Variants in CTXND1 observed in about 807,000 individuals in gnomAD.
The protein encoded by CTXND1 is cortexin domain containing 1.
rs183691203 is a variant in CTXND1 at position 80,246,913 on chromosome 15, C to T, written c.-218+5094G>A. 3.7e-4 allele frequency among the ~76,000 whole-genome samples: 56 copies of T among 152,284 alleles called. No individual in the cohort carries two copies. In the East Asian group the frequency reaches 9.4e-3, roughly 26 times the overall value. On this transcript the variant is annotated intron_variant, in intron 1 of 2. Coordinates refer to ENST00000560778, the MANE Select transcript of CTXND1 (RefSeq NM_001352888.2). ...TTAGGGACACTGAAAGGTTTGTCCT[C>T]GCAGTCGGATTCAGATGTCACATAC...
chr15:80,233,505 G>T (rs147451524), intron 1 of CTXND1, among the ~76,000 whole-genome samples: 3 of 152,120 alleles, frequency 2.0e-5, no homozygotes, highest in African/African-American at 7.2e-5. Context: ...GCTGCAAACT[G>T]CCTGGCTCTT....
At chr15:80,224,027 T>A (rs1269766527) in intron 1 of CTXND1, among the ~76,000 whole-genome samples, 1 of 152,158 alleles carries the variant, frequency 6.6e-6, no homozygotes, top group Non-Finnish European at 1.5e-5. Context: ...TCATTTTTGC[T>A]GTTTTCTCTT....
At chr15:80,222,202 G>A (rs1036478596) in intron 1 of CTXND1, among the ~76,000 whole-genome samples, 2 of 151,950 alleles carry the variant, frequency 1.3e-5, no homozygotes, top group Non-Finnish European at 2.9e-5. Flanking sequence ...GGGAAAATTT[G>A]AATTTAAAAT....
rs371194656 is a variant in CTXND1 at position 80,242,491 on chromosome 15, T to C, written c.-218+9516A>G. On this transcript the variant is annotated intron_variant, in intron 1 of 2. Coordinates refer to ENST00000560778, the MANE Select transcript of CTXND1 (RefSeq NM_001352888.2). ...ATTGGGGTATCACAGGGGACTGTGT[T>C]TGAAACAAGTTCCACCTCCCCTGGA... 1.7e-3 allele frequency among the ~76,000 whole-genome samples: 261 copies of C among 152,328 alleles called. 14 individuals carry two copies. In the South Asian group the frequency reaches 0.052, roughly 30 times the overall value.
chr15:80,208,025 C>G (rs34939304), intron 1 of CTXND1, among the ~76,000 whole-genome samples: 10,484 of 152,256 alleles, frequency 0.069, 442 homozygotes, highest in Non-Finnish European at 0.095. Flanking sequence ...AGAACATTGG[C>G]CATTCATTAA....
intron 1 of CTXND1, among the ~76,000 whole-genome samples, chr15:80,246,370 A>T (rs988189033): frequency 1.6e-4 from 25 of 152,344 alleles, no homozygotes; most frequent in African/African-American, 5.8e-4. Context: ...GTTAAAAGGC[A>T]CCTGGCCTCA....
intron 1 of CTXND1, among the ~76,000 whole-genome samples, chr15:80,225,835 C>T (rs1417569508): frequency 6.6e-6 from 1 of 152,112 alleles, no homozygotes; most frequent in Non-Finnish European, 1.5e-5. Flanking sequence ...TCTAATTGCT[C>T]AGTTTGTTGA....
intron 1 of CTXND1, among the ~76,000 whole-genome samples, chr15:80,223,746 G>T (rs929317396): frequency 1.8e-4 from 28 of 151,436 alleles, no homozygotes; most frequent in African/African-American, 6.3e-4. Flanking sequence ...CATTCTGGGG[G>T]TAGATTGTGG....
Position 80,202,593 on chromosome 15 carries a change from G to A in CTXND1, c.-65-579C>T, listed in dbSNP as rs1421988971. 3.3e-5 allele frequency among the ~76,000 whole-genome samples: 5 copies of A among 152,302 alleles called. No individual in the cohort carries two copies. The East Asian group carries it at 9.6e-4, about 29-fold the overall frequency. ...GCCTCCCAAAGCATCAGGATTACAG[G>A]CGTGACCACTGTGCCTGGTCTATCA... On this transcript the variant is annotated intron_variant, in intron 2 of 2. Coordinates refer to ENST00000560778, the MANE Select transcript of CTXND1 (RefSeq NM_001352888.2).
intron 1 of CTXND1, among the ~76,000 whole-genome samples, chr15:80,206,280 A>C (rs1449808246): frequency 6.6e-6 from 1 of 152,266 alleles, no homozygotes; most frequent in Non-Finnish European, 1.5e-5. Flanking sequence ...GAAATGTACA[A>C]ATATTAAATG....
intron 1 of CTXND1, among the ~76,000 whole-genome samples, chr15:80,242,079 T>C (rs1893574658): frequency 6.6e-6 from 1 of 152,174 alleles, no homozygotes; most frequent in Non-Finnish European, 1.5e-5. Flanking sequence ...TCCTGTTTTA[T>C]AGAAGAGAAA....
intron 1 of CTXND1, among the ~76,000 whole-genome samples, chr15:80,210,964 T>A (rs1893197726): frequency 6.6e-6 from 1 of 152,158 alleles, no homozygotes; most frequent in Non-Finnish European, 1.5e-5. Flanking sequence ...ACCTTATGAC[T>A]CATGTAACCT....
chr15:80,232,293 C>T (rs907317887), intron 1 of CTXND1, among the ~76,000 whole-genome samples: 14 of 152,128 alleles, frequency 9.2e-5, no homozygotes, highest in Non-Finnish European at 1.6e-4. Context: ...ACAGAGGAAT[C>T]GCTTACAGAG....
At chr15:80,222,055 G>A (rs924046077) in intron 1 of CTXND1, among the ~76,000 whole-genome samples, 5 of 152,076 alleles carry the variant, frequency 3.3e-5, no homozygotes, top group East Asian at 3.9e-4. Context: ...TTATAAAAAC[G>A]TAATATTCTG....
Position 80,224,393 on chromosome 15 carries a change from T to A in CTXND1, c.-217-20653A>T, listed in dbSNP as rs943436425. On this transcript the variant is annotated intron_variant, in intron 1 of 2. Transcript: ENST00000560778. Reference sequence around the variant, plus strand: ...ACAGCAACAGGCAACCAGAACAGTCTAGTTATGGAATTATCTATCCATTCT... The same window carrying A: ...ACAGCAACAGGCAACCAGAACAGTCAAGTTATGGAATTATCTATCCATTCT... Among the ~76,000 whole-genome samples the A allele has an allele frequency of 1.2e-4, 19 of 152,362 alleles. No individual in the cohort carries two copies. In the East Asian group the frequency reaches 2.3e-3, roughly 19 times the overall value.
intron 1 of CTXND1, among the ~76,000 whole-genome samples, chr15:80,219,834 T>G (rs1195973108): frequency 6.6e-6 from 1 of 152,232 alleles, no homozygotes; most frequent in Non-Finnish European, 1.5e-5. Context: ...CTTTATAAAT[T>G]ACTATGTTAA....
intron 1 of CTXND1, among the ~76,000 whole-genome samples, chr15:80,204,579 C>G (rs1367413246): frequency 6.6e-6 from 1 of 150,768 alleles, no homozygotes; most frequent in Non-Finnish European, 1.5e-5. Flanking sequence ...GCATAATGTC[C>G]TCCAGCTTCA....
chr15:80,243,877 G>A (rs530773943), intron 1 of CTXND1, among the ~76,000 whole-genome samples: 1 of 152,176 alleles, frequency 6.6e-6, no homozygotes, highest in African/African-American at 2.4e-5. Context: ...ACATGGAAGA[G>A]CATTTTGAAT....
At chr15:80,204,183 T>TAC (rs1168737974) in intron 1 of CTXND1, among the ~76,000 whole-genome samples, 1 of 44,166 alleles carries the variant, frequency 2.3e-5, no homozygotes, top group Non-Finnish European at 3.9e-5. Context: ...TATATATATA[T>TAC]ATATATATAT....
Sources: gnomAD v4.1 joint callset for allele counts (sites outside exome capture counted in the v4.1 genomes callset) on GRCh38, gnomAD v4.1.1 for gene constraint, MANE v1.5 for transcripts, NCBI Gene and HGNC (gene_info 2026-07-23, HGNC 2026-07-21) for gene names.